ABLIM1: variants seen among roughly 807,000 people sequenced by gnomAD.
ABLIM1 encodes actin binding LIM protein 1, also known as actin-binding LIM protein 1.
ABLIM1 carries 40 observed loss-of-function variants against 107.0 expected under a neutral mutation model. The observed-to-expected ratio is 0.37, with a 90% CI of 0.29 to 0.49. The LOEUF (loss-of-function observed/expected upper bound fraction) is 0.49, where lower values mean the gene tolerates loss of function less well. Ranked by LOEUF, ABLIM1 falls within the 20% of genes least tolerant of loss-of-function variation. The probability of loss-of-function intolerance (pLI) is 0.97; values close to 1 mark genes in which losing one functional copy is unlikely to be tolerated. For synonymous variants in ABLIM1, 357 were observed against 357.3 expected (o/e 1.00, Z 0.01); for missense variants, 857 against 1,008.5 (o/e 0.85, Z 2.04).
At chr10:114,777,523 T>C in the ABLIM1 span, among the ~76,000 whole-genome samples, 2 of 152,210 alleles carry the variant, frequency 1.3e-5, no homozygotes, top group African/African-American at 4.8e-5. Flanking sequence ...TATAAAATAA[T>C]TGAGGGTAAC....
intron 2 of ABLIM1, chr10:114,595,063 T>C (rs1179482818): frequency 6.6e-6 from 1 of 152,086 alleles, no homozygotes; most frequent in Non-Finnish European, 1.5e-5. Flanking sequence ...AACAGACAAT[T>C]TGGCTGAACA....
intron 2 of ABLIM1, among the ~76,000 whole-genome samples, chr10:114,578,452 G>C (rs2072908971): frequency 6.6e-6 from 1 of 150,842 alleles, no homozygotes; most frequent in Non-Finnish European, 1.5e-5. Flanking sequence ...TGCTGTCCAG[G>C]GTGGAGTGCA....
chr10:114,702,741 C>G (rs1277082207), intron 1 of ABLIM1, among the ~76,000 whole-genome samples: 1 of 151,980 alleles, frequency 6.6e-6, no homozygotes, highest in Non-Finnish European at 1.5e-5. Context: ...TCTCGATCTC[C>G]TGACCTCGTG....
intron 1 of ABLIM1, among the ~76,000 whole-genome samples, chr10:114,616,385 C>T (rs915397194): frequency 5.3e-5 from 8 of 152,150 alleles, no homozygotes; most frequent in Admixed American, 2.0e-4. Context: ...ATCATGTTCC[C>T]GCATCAAAGC....
At chr10:114,782,445 A>G in the ABLIM1 span, among the ~76,000 whole-genome samples, 1 of 152,164 alleles carries the variant, frequency 6.6e-6, no homozygotes, top group Non-Finnish European at 1.5e-5. Flanking sequence ...AGGGGTGTAC[A>G]TTCAAAAGCT....
intron 1 of ABLIM1, among the ~76,000 whole-genome samples, chr10:114,700,080 CA>C (rs1236501089): frequency 6.6e-6 from 1 of 152,092 alleles, no homozygotes; most frequent in Non-Finnish European, 1.5e-5. Flanking sequence ...ATTATAGGCA[CA>C]AGTCACCACA....
At chr10:114,437,323 T>C (rs76183979) in intron 22 of ABLIM1, among the ~76,000 whole-genome samples, 2 of 142,574 alleles carry the variant, frequency 1.4e-5, no homozygotes, top group Non-Finnish European at 3.0e-5. Flanking sequence ...CTTTCTTTCT[T>C]TTTTTTTTTT....
Position 114,431,488 on chromosome 10 carries a change from C to T in ABLIM1, c.*4772G>A, listed in dbSNP as rs1384432747. On this transcript the variant is annotated 3_prime_UTR_variant, in exon 23 of 23. Transcript: ENST00000533213. ...AACTCAGAGAGCTTCAATGCGGAGT[C>T]ATCAGCAACTCGCAGGAACCACACA... is the stretch of plus-strand genomic sequence containing the variant. 1.3e-5 allele frequency: 2 copies of T among 152,234 alleles called. No individual in the cohort carries two copies. The allele number at this position is 152,234 out of a possible 1,614,324, so 9.4% of individuals were successfully genotyped here.
At chr10:114,448,056 TTGGTC>T (rs1565270171) in intron 14 of ABLIM1, 36 bp from the exon 15 acceptor site, 2 of 1,613,706 alleles carry the variant, frequency 1.2e-6, no homozygotes, top group East Asian at 4.5e-5. Context: ...TGCTTAGCTA[TTGGTC>T]TGTAAGACAA....
intron 5 of ABLIM1, among the ~76,000 whole-genome samples, chr10:114,547,244 G>A (rs1270755128): frequency 6.6e-6 from 1 of 151,814 alleles, no homozygotes; most frequent in Non-Finnish European, 1.5e-5. Flanking sequence ...GCTGTTTTGT[G>A]CAGTCCTAAA....
In ABLIM1 at chr10:114,466,138, G is replaced by A. The variant is rs187536413; in HGVS notation, c.1312-311C>T. 8.0e-4 allele frequency among the ~76,000 whole-genome samples: 121 copies of A among 152,110 alleles called. 1 individual carries two copies. Among genetic ancestry groups the A allele is most frequent in the Non-Finnish European group, 3.2e-4 (22 of 68,000 alleles). The stretch of plus-strand genomic sequence containing the variant: ...GAGGATGGCTTGAAGCCAGGAGTTC[G>A]AGAACAGCCTGGGCAACACAACGAG... On this transcript the variant is annotated intron_variant, in intron 11 of 22. Transcript: ENST00000533213.
upstream of ABLIM1, among the ~76,000 whole-genome samples, chr10:114,688,385 A>G (rs972670804): frequency 1.3e-5 from 2 of 152,202 alleles, no homozygotes; most frequent in African/African-American, 4.8e-5. Context: ...CTAGAAAGGC[A>G]CAGGAAAAAA....
chr10:114,753,817 A>G (rs2142470030), intron 1 of ABLIM1, among the ~76,000 whole-genome samples: 1 of 152,144 alleles, frequency 6.6e-6, no homozygotes, highest in East Asian at 1.9e-4. Context: ...AAAAAACACA[A>G]CTGTTTCTCT....
intron 6 of ABLIM1, among the ~76,000 whole-genome samples, chr10:114,497,145 A>T (rs1290972477): frequency 6.6e-6 from 1 of 152,252 alleles, no homozygotes; most frequent in African/African-American, 2.4e-5. Context: ...AACAGATAAT[A>T]AGCTTGCAAT....
chr10:114,524,687 C>T (rs1161921763), intron 6 of ABLIM1, among the ~76,000 whole-genome samples: 3 of 152,074 alleles, frequency 2.0e-5, no homozygotes, highest in Non-Finnish European at 4.4e-5. Flanking sequence ...TAAAAAAAGA[C>T]AAAATAGTAT....
intron 1 of ABLIM1, among the ~76,000 whole-genome samples, chr10:114,681,356 T>A (rs574986314): frequency 1.3e-5 from 2 of 152,244 alleles, no homozygotes; most frequent in Admixed American, 1.3e-4. Flanking sequence ...TCACCATGCC[T>A]GGCTAATTTT....
At position 114,448,604 on chromosome 10, in the gene ABLIM1, T is replaced by TTTATTATTATTATTA. The variant is rs60805531; in HGVS notation, c.1595-599_1595-585dup. ...CAAATATGTTGGTCCAGATCATTCT[T>TTTATTATTATTATTA]TTATTATTATTATTATTATTATTAT... On this transcript the variant is annotated intron_variant, in intron 14 of 22. Coordinates refer to ENST00000533213, the MANE Select transcript of ABLIM1 (RefSeq NM_002313.7). 8.3e-3 allele frequency among the ~76,000 whole-genome samples: 1,241 copies of TTTATTATTATTATTA among 149,810 alleles called. 24 individuals are homozygous for TTTATTATTATTATTA. Among genetic ancestry groups the TTTATTATTATTATTA allele is most frequent in the African/African-American group, 0.029 (1,165 of 40,314 alleles).
chr10:114,467,465 AG>A, intron 11 of ABLIM1, among the ~76,000 whole-genome samples: 1 of 152,334 alleles, frequency 6.6e-6, no homozygotes, highest in Non-Finnish European at 1.5e-5. Flanking sequence ...GCAAATGGCA[AG>A]GGGAAACTTT....
chr10:114,661,903 G>T (rs2141256910), upstream of ABLIM1, among the ~76,000 whole-genome samples: 1 of 152,270 alleles, frequency 6.6e-6, no homozygotes, highest in East Asian at 1.9e-4. Flanking sequence ...GATGTGATGA[G>T]CCCCAGCCCA....
Sources: gnomAD v4.1 joint callset for allele counts (sites outside exome capture counted in the v4.1 genomes callset) on GRCh38, gnomAD v4.1.1 for gene constraint, MANE v1.5 for transcripts, NCBI Gene and HGNC (gene_info 2026-07-23, HGNC 2026-07-21) for gene names.